TSPAN9: variants seen among roughly 807,000 people sequenced by gnomAD.
The protein encoded by TSPAN9 is tetraspanin-9.
In TSPAN9, 16 loss-of-function variants were observed where a neutral mutation model predicts 31.0. That is an observed-to-expected ratio of 0.52 (90% confidence interval 0.35 to 0.78). TSPAN9 has a LOEUF of 0.78. TSPAN9 is among the 30% of genes least tolerant of loss of function. TSPAN9 has a pLI of 0.01. For missense variants in TSPAN9, 272 were observed against 312.5 expected, an observed-to-expected ratio of 0.87 and a Z score of 0.98; for synonymous variants, 145 against 121.6, an observed-to-expected ratio of 1.19 and a Z score of -1.27.
At chr12:3,120,021 A>G (rs1210537837) in intron 2 of TSPAN9, among the ~76,000 whole-genome samples, 2 of 152,116 alleles carry the variant, frequency 1.3e-5, no homozygotes, top group African/African-American at 4.8e-5. Flanking sequence ...ATGATCCTGG[A>G]GGTCCTTTCA....
At chr12:3,098,909 C>T (rs1006598793) in intron 2 of TSPAN9, among the ~76,000 whole-genome samples, 7 of 152,052 alleles carry the variant, frequency 4.6e-5, no homozygotes, top group Admixed American at 1.3e-4. Flanking sequence ...TGCATCACCA[C>T]GCCCGGCTAA....
intron 2 of TSPAN9, among the ~76,000 whole-genome samples, chr12:3,092,648 A>G (rs2098305416): frequency 6.6e-6 from 1 of 152,114 alleles, no homozygotes; most frequent in Non-Finnish European, 1.5e-5. Flanking sequence ...GGACACACCT[A>G]ATTTGACATA....
At chr12:3,279,417 C>T (rs1221465564) in intron 5 of TSPAN9, among the ~76,000 whole-genome samples, 1 of 152,250 alleles carries the variant, frequency 6.6e-6, no homozygotes, top group East Asian at 1.9e-4. Context: ...ATTCAGACCT[C>T]ATCAGGTGGT....
At chr12:3,272,072 C>T (rs1273802731) in intron 3 of TSPAN9, among the ~76,000 whole-genome samples, 1 of 152,228 alleles carries the variant, frequency 6.6e-6, no homozygotes, top group African/African-American at 2.4e-5. Context: ...AGGGAGCACT[C>T]AGTCCTAGCA....
At chr12:3,211,594 T>G (rs1219723161) in intron 3 of TSPAN9, 1 of 350,206 alleles carries the variant, frequency 2.9e-6, no homozygotes, top group African/African-American at 3.4e-5. Context: ...ATTGCTGTCT[T>G]TTTTTTTTTT....
intron 2 of TSPAN9, among the ~76,000 whole-genome samples, chr12:3,087,297 A>G (rs536195194): frequency 1.3e-5 from 2 of 152,236 alleles, no homozygotes; most frequent in East Asian, 3.9e-4. Flanking sequence ...AGGCGGGAGC[A>G]TTGCTTGAGA....
At chr12:3,121,368 T>C (rs2098325006) in intron 2 of TSPAN9, among the ~76,000 whole-genome samples, 1 of 142,992 alleles carries the variant, frequency 7.0e-6, no homozygotes, top group Admixed American at 7.0e-5. Flanking sequence ...TTTTTTTTTT[T>C]TTTTTTTTTG....
intron 2 of TSPAN9, among the ~76,000 whole-genome samples, chr12:3,116,598 G>A (rs2098322581): frequency 6.6e-6 from 1 of 152,082 alleles, no homozygotes; most frequent in Non-Finnish European, 1.5e-5. Context: ...GTCCCCGTAG[G>A]TCACCCTCAC....
At chr12:3,193,748 C>T (rs1210290854) in intron 2 of TSPAN9, among the ~76,000 whole-genome samples, 1 of 152,216 alleles carries the variant, frequency 6.6e-6, no homozygotes, top group Non-Finnish European at 1.5e-5. Flanking sequence ...GGGCAGAGGT[C>T]GAGGGGCTGC....
chr12:3,118,277 T>TTTTG, intron 2 of TSPAN9, among the ~76,000 whole-genome samples: 1 of 125,114 alleles, frequency 8.0e-6, no homozygotes, highest in Non-Finnish European at 1.6e-5. Flanking sequence ...TTTTTTTTTT[T>TTTTG]TTTGAGATGG....
At chr12:3,111,166 C>G (rs1036742948) in intron 2 of TSPAN9, among the ~76,000 whole-genome samples, 2 of 152,242 alleles carry the variant, frequency 1.3e-5, no homozygotes, top group African/African-American at 4.8e-5. Flanking sequence ...TGTACCTTCA[C>G]TTTTCTGGGC....
intron 2 of TSPAN9, among the ~76,000 whole-genome samples, chr12:3,135,412 G>T (rs1473826922): frequency 6.6e-6 from 1 of 152,068 alleles, no homozygotes; most frequent in African/African-American, 2.4e-5. Flanking sequence ...TTACAGGGGT[G>T]TATGAGGCAC....
chr12:3,117,313 GTA>G (rs536816827), intron 2 of TSPAN9, among the ~76,000 whole-genome samples: 36 of 152,236 alleles, frequency 2.4e-4, no homozygotes, highest in African/African-American at 8.2e-4. Flanking sequence ...AGAGTCGGTG[GTA>G]CATTTTTTGG....
intron 2 of TSPAN9, among the ~76,000 whole-genome samples, chr12:3,110,048 T>A (rs2098317618): frequency 6.6e-6 from 1 of 152,080 alleles, no homozygotes; most frequent in South Asian, 2.1e-4. Flanking sequence ...TAAGAATCAG[T>A]CCCACTCCCC....
intron 3 of TSPAN9, among the ~76,000 whole-genome samples, chr12:3,207,365 T>C (rs1200878872): frequency 6.6e-6 from 1 of 152,172 alleles, no homozygotes. Flanking sequence ...GAAGCTGAGC[T>C]AAACCCATCG....
chr12:3,144,602 C>T (rs7298272), intron 2 of TSPAN9, among the ~76,000 whole-genome samples: 24,547 of 152,206 alleles, frequency 0.16, 2,315 homozygotes, highest in Non-Finnish European at 0.22. Context: ...CCCAGAACCG[C>T]GAGACCGTAA....
At chr12:3,182,357 G>C (rs988399114) in intron 2 of TSPAN9, among the ~76,000 whole-genome samples, 4 of 152,030 alleles carry the variant, frequency 2.6e-5, no homozygotes, top group African/African-American at 9.7e-5. Context: ...GCGCCCACCC[G>C]AGGCTGCCTG....
chr12:3,267,793 G>C (rs1167695089), intron 3 of TSPAN9, among the ~76,000 whole-genome samples: 1 of 152,168 alleles, frequency 6.6e-6, no homozygotes, highest in Non-Finnish European at 1.5e-5. Flanking sequence ...GGGGCCTCAG[G>C]CTGCCTCCTC....
chr12:3,262,645 C>T (rs529457513), intron 3 of TSPAN9, among the ~76,000 whole-genome samples: 3 of 151,614 alleles, frequency 2.0e-5, no homozygotes, highest in East Asian at 2.0e-4. Context: ...GTGGGAGGAG[C>T]GGAGGGAGGG....
Sources: allele counts gnomAD v4.1 joint callset (sites outside exome capture counted in the v4.1 genomes callset), GRCh38; gene constraint gnomAD v4.1.1; transcripts MANE v1.5; gene names NCBI Gene and HGNC (gene_info 2026-07-23, HGNC 2026-07-21).